Variants in ZNF385B observed in about 807,000 individuals in gnomAD.
ZNF385B encodes the protein zinc finger protein 533.
In ZNF385B, 23 loss-of-function variants were observed where a neutral mutation model predicts 39.2. The observed-to-expected ratio is 0.59, with a 90% CI of 0.42 to 0.83. The LOEUF (loss-of-function observed/expected upper bound fraction) is 0.83. ZNF385B is among the 40% of genes least tolerant of loss of function. The probability of loss-of-function intolerance (pLI) is 0.00; values close to 1 mark genes in which losing one functional copy is unlikely to be tolerated. For missense variants in ZNF385B, 552 were observed against 598.9 expected (o/e 0.92, Z 0.82); for synonymous variants, 205 against 222.6 (o/e 0.92, Z 0.70).
chr2:179,751,926 T>C (rs1411912792), intron 3 of ZNF385B, among the ~76,000 whole-genome samples: 2 of 152,078 alleles, frequency 1.3e-5, no homozygotes, highest in African/African-American at 4.8e-5. Context: ...TATTTACTAA[T>C]TGAATTTTAG....
chr2:179,640,747 G>T (rs552878436), intron 3 of ZNF385B, among the ~76,000 whole-genome samples: 7 of 152,094 alleles, frequency 4.6e-5, no homozygotes, highest in African/African-American at 7.2e-5. Flanking sequence ...AGGAGGTCCC[G>T]TTTGGTATTA....
intron 1 of ZNF385B, among the ~76,000 whole-genome samples, chr2:179,806,744 G>T (rs1354436178): frequency 1.3e-5 from 2 of 152,140 alleles, no homozygotes; most frequent in East Asian, 3.9e-4. Flanking sequence ...AGGTCACCCA[G>T]AAGAGTCAAG....
chr2:179,769,060 C>G (rs1318983879), intron 3 of ZNF385B, among the ~76,000 whole-genome samples: 1 of 152,208 alleles, frequency 6.6e-6, no homozygotes, highest in Non-Finnish European at 1.5e-5. Flanking sequence ...TGCTCCTCTC[C>G]TGCATCACAG....
chr2:179,730,781 A>G (rs906575095), intron 3 of ZNF385B, among the ~76,000 whole-genome samples: 3 of 152,148 alleles, frequency 2.0e-5, no homozygotes, highest in African/African-American at 7.2e-5. Flanking sequence ...AGTAATAGAA[A>G]AATTATTATG....
intron 1 of ZNF385B, among the ~76,000 whole-genome samples, chr2:179,770,992 G>A (rs1465777496): frequency 2.0e-5 from 3 of 151,888 alleles, no homozygotes; most frequent in South Asian, 2.1e-4. Context: ...TTTACAATTC[G>A]AATAAATAAA....
At position 179,547,480 on chromosome 2, in the gene ZNF385B, C is replaced by A. The variant is rs1043545685; in HGVS notation, c.299-2511G>T. Among the ~76,000 whole-genome samples the A allele has an allele frequency of 4.0e-5, 6 of 149,224 alleles. 1 individual carries two copies. Among genetic ancestry groups the A allele is most frequent in the Admixed American group, 1.3e-4 (2 of 15,006 alleles). On this transcript the variant is annotated intron_variant, in intron 3 of 9. Coordinates refer to ENST00000410066, the MANE Select transcript of ZNF385B (RefSeq NM_152520.6). ...CCATTTATTGAAGAGACTGTCCTTT[C>A]CTCTATGTATATTTTTGACACCTTT...
chr2:179,714,942 C>CAAA (rs34449760), intron 3 of ZNF385B, among the ~76,000 whole-genome samples: 60,637 of 79,190 alleles, frequency 0.77, 24,007 homozygotes, highest in African/African-American at 0.79. Context: ...GATTCTATCT[C>CAAA]AAAAAAAAAA....
chr2:179,831,173 T>C (rs908142737), intron 1 of ZNF385B, among the ~76,000 whole-genome samples: 1 of 152,228 alleles, frequency 6.6e-6, no homozygotes, highest in Non-Finnish European at 1.5e-5. Flanking sequence ...TTCCAGGCAG[T>C]ATCAGTAGTA....
rs1037535246 is a variant in ZNF385B at position 179,602,084 on chromosome 2, A to G, written c.299-57115T>C. Among the ~76,000 whole-genome samples, 12 of 152,226 alleles carry G rather than the reference A, an allele frequency of 7.9e-5. No homozygotes were observed. In the South Asian group the frequency reaches 2.3e-3, roughly 29 times the overall value. ...AATGTCTCTTTGTAGTATATTCTACAAGAAAGAAAAATATAAACATAGTAT... is the reference window on the plus strand; with the variant it reads ...AATGTCTCTTTGTAGTATATTCTACGAGAAAGAAAAATATAAACATAGTAT... On this transcript the variant is annotated intron_variant, in intron 3 of 9. Coordinates refer to ENST00000410066, the MANE Select transcript of ZNF385B (RefSeq NM_152520.6).
chr2:179,750,521 T>C (rs910514317), intron 3 of ZNF385B, among the ~76,000 whole-genome samples: 2 of 152,100 alleles, frequency 1.3e-5, no homozygotes, highest in South Asian at 2.1e-4. Flanking sequence ...AATTCCTGAG[T>C]GCTCTTATAA....
intron 1 of ZNF385B, among the ~76,000 whole-genome samples, chr2:179,844,163 G>A (rs948343935): frequency 1.3e-4 from 20 of 152,244 alleles, no homozygotes; most frequent in Admixed American, 3.9e-4. Context: ...CCTTAAAAAC[G>A]GACATCGATT....
At chr2:179,763,210 G>A (rs1703503544) in intron 3 of ZNF385B, among the ~76,000 whole-genome samples, 1 of 152,132 alleles carries the variant, frequency 6.6e-6, no homozygotes, top group African/African-American at 2.4e-5. Flanking sequence ...GGCCCAGATA[G>A]TCTATTTTTA....
At chr2:179,586,757 G>A (rs568335228) in intron 3 of ZNF385B, among the ~76,000 whole-genome samples, 1 of 152,164 alleles carries the variant, frequency 6.6e-6, no homozygotes, top group Non-Finnish European at 1.5e-5. Flanking sequence ...ATGTATTATT[G>A]GCTGGGCATG....
At chr2:179,454,051 A>G (rs981250083) in intron 6 of ZNF385B, among the ~76,000 whole-genome samples, 2 of 152,210 alleles carry the variant, frequency 1.3e-5, no homozygotes, top group Admixed American at 1.3e-4. Flanking sequence ...GCCCCTTTTC[A>G]TGGTTCAACC....
chr2:179,678,146 G>C (rs1231108047), intron 3 of ZNF385B, among the ~76,000 whole-genome samples: 2 of 152,118 alleles, frequency 1.3e-5, no homozygotes, highest in South Asian at 4.1e-4. Flanking sequence ...TCATGACCAA[G>C]TTATTTTCTT....
At chr2:179,554,336 G>A (rs754438107) in intron 3 of ZNF385B, among the ~76,000 whole-genome samples, 5 of 149,312 alleles carry the variant, frequency 3.3e-5, no homozygotes, top group Non-Finnish European at 5.9e-5. Flanking sequence ...TAAATGTTTC[G>A]ACAGATGAGA....
chr2:179,758,192 T>C (rs1470387116), intron 3 of ZNF385B, among the ~76,000 whole-genome samples: 1 of 152,204 alleles, frequency 6.6e-6, no homozygotes, highest in Non-Finnish European at 1.5e-5. Context: ...TGAGCTGGCA[T>C]TGTGTCTTAG....
intron 3 of ZNF385B, among the ~76,000 whole-genome samples, chr2:179,586,363 C>A (rs1433847346): frequency 1.3e-5 from 2 of 152,162 alleles, no homozygotes; most frequent in South Asian, 4.2e-4. Flanking sequence ...AAGACAGGGG[C>A]TGCTTTTTAC....
At chr2:179,484,267 G>C (rs1229312664) in intron 5 of ZNF385B, among the ~76,000 whole-genome samples, 2 of 151,182 alleles carry the variant, frequency 1.3e-5, no homozygotes, top group Non-Finnish European at 2.9e-5. Context: ...TTCTCTTATT[G>C]GCATCTAGTA....
Sources: gnomAD v4.1 joint callset for allele counts (sites outside exome capture counted in the v4.1 genomes callset) on GRCh38, gnomAD v4.1.1 for gene constraint, MANE v1.5 for transcripts, NCBI Gene and HGNC (gene_info 2026-07-23, HGNC 2026-07-21) for gene names.